Variants in BLTP1 observed in about 807,000 individuals in gnomAD.
BLTP1 encodes bridge-like lipid transfer protein family member 1.
the BLTP1 span, chr4:122,188,230 A>G: frequency 1.3e-5 from 14 of 1,050,120 alleles, no homozygotes; most frequent in Non-Finnish European, 1.7e-5. Flanking sequence ...TTAACAATGT[A>G]GTCCTTCTTT....
the BLTP1 span, chr4:122,292,247 C>T: frequency 0.011 from 6,938 of 615,942 alleles, 441 homozygotes; most frequent in African/African-American, 0.13. Flanking sequence ...GGATTACAGG[C>T]GTGAGCCACT....
chr4:122,315,357 C>T, the BLTP1 span: 3 of 1,406,958 alleles, frequency 2.1e-6, no homozygotes, highest in South Asian at 4.0e-5. Flanking sequence ...ACAAGTTTAG[C>T]AGTGAAAGAC....
At chr4:122,199,970 C>T in the BLTP1 span, 7 of 968,552 alleles carry the variant, frequency 7.2e-6, no homozygotes, top group Non-Finnish European at 8.6e-6. Context: ...ATTAATCAAG[C>T]AGATTATTAT....
the BLTP1 span, chr4:122,276,526 C>A: frequency 2.0e-6 from 2 of 984,598 alleles, no homozygotes; most frequent in Non-Finnish European, 2.4e-6. Flanking sequence ...TAGTTTCATT[C>A]AATAGATGAA....
chr4:122,187,266 A>G, the BLTP1 span: 3 of 984,508 alleles, frequency 3.0e-6, no homozygotes, highest in Admixed American at 6.2e-5. Flanking sequence ...CTGTAGGAAT[A>G]TTAGTATTCC....
chr4:122,253,732 T>C, the BLTP1 span, among the ~76,000 whole-genome samples: 26 of 152,004 alleles, frequency 1.7e-4, no homozygotes, highest in Admixed American at 1.7e-3. Context: ...GAAAGTTTGT[T>C]TAAAGGGGTA....
At chr4:122,180,243 TTTTC>T in the BLTP1 span, 3 of 913,434 alleles carry the variant, frequency 3.3e-6, no homozygotes, top group Non-Finnish European at 3.9e-6. Context: ...AGCCTCATTT[TTTTC>T]ATCTATAAAA....
the BLTP1 span, among the ~76,000 whole-genome samples, chr4:122,327,359 T>C: frequency 2.6e-5 from 4 of 151,780 alleles, no homozygotes; most frequent in Admixed American, 2.6e-4. Flanking sequence ...TTACTTATAA[T>C]GCCTAGTAGT....
the BLTP1 span, chr4:122,208,986 A>T: frequency 7.2e-4 from 10 of 13,834 alleles, no homozygotes; most frequent in African/African-American, 3.2e-3. Flanking sequence ...TGAGACCATT[A>T]AAAAAAAAAA....
chr4:122,304,932 C>T, the BLTP1 span: 1 of 1,613,922 alleles, frequency 6.2e-7, no homozygotes, highest in Non-Finnish European at 8.5e-7. Context: ...AACTGTTTGG[C>T]AAATGCCAGG....
At chr4:122,294,171 T>TTTC in the BLTP1 span, among the ~76,000 whole-genome samples, 1 of 152,100 alleles carries the variant, frequency 6.6e-6, no homozygotes, top group Non-Finnish European at 1.5e-5. Context: ...GACTTAGCCT[T>TTTC]TTCAGCCTGC....
chr4:122,246,294 CA>C, the BLTP1 span: 1 of 1,566,648 alleles, frequency 6.4e-7, no homozygotes. Context: ...GTTAGCATAC[CA>C]AAGGTAACAA....
chr4:122,351,064 TA>T, the BLTP1 span: 7 of 152,782 alleles, frequency 4.6e-5, no homozygotes, highest in Admixed American at 6.5e-5. Flanking sequence ...ACCATTGCAA[TA>T]ATTACCATTA....
At chr4:122,259,194 G>A in the BLTP1 span, among the ~76,000 whole-genome samples, 1 of 152,096 alleles carries the variant, frequency 6.6e-6, no homozygotes, top group Non-Finnish European at 1.5e-5. Context: ...GGGTTAGACT[G>A]TTTTATGATT....
At chr4:122,262,600 G>A in the BLTP1 span, 32 of 340,188 alleles carry the variant, frequency 9.4e-5, no homozygotes, top group Middle Eastern at 1.5e-3. Context: ...ATTTAAGGAC[G>A]TATGTAAAAA....
chr4:122,298,330 C>T, the BLTP1 span: 2 of 443,302 alleles, frequency 4.5e-6, no homozygotes, highest in Admixed American at 1.3e-4. Flanking sequence ...CCAAGAGAAA[C>T]TAAGAACTCT....
chr4:122,214,892 A>T, the BLTP1 span, among the ~76,000 whole-genome samples: 3 of 152,114 alleles, frequency 2.0e-5, no homozygotes, highest in Admixed American at 2.0e-4. Context: ...GATTACAGGC[A>T]TGAGCCACTG....
chr4:122,274,315 C>A, the BLTP1 span: 1 of 1,178,226 alleles, frequency 8.5e-7, no homozygotes, highest in East Asian at 2.4e-5. Context: ...ATCCAGAATT[C>A]AAATAAATAT....
At chr4:122,274,140 TATGTATGTATGTATTAA>T in the BLTP1 span, 1 of 154,466 alleles carries the variant, frequency 6.5e-6, no homozygotes, top group South Asian at 2.0e-4. Flanking sequence ...TGACATTTAA[TATGTATGTATGTATTAA>T]ATGCAGAGAA....
Sources: allele counts gnomAD v4.1 joint callset (sites outside exome capture counted in the v4.1 genomes callset), GRCh38; gene constraint gnomAD v4.1.1; transcripts MANE v1.5; gene names NCBI Gene and HGNC (gene_info 2026-07-23, HGNC 2026-07-21).